CIMAP2: variants seen among roughly 807,000 people sequenced by gnomAD.
The protein encoded by CIMAP2 is ciliary microtubule associated protein 2, also known as ciliary microtubule-associated protein 2.
the CIMAP2 span, among the ~76,000 whole-genome samples, chr1:54,825,755 A>G: frequency 6.6e-6 from 1 of 151,328 alleles, no homozygotes; most frequent in African/African-American, 2.4e-5. Context: ...GGTGATATGC[A>G]TGGCATCGGT....
At chr1:54,820,008 TTTTC>T in the CIMAP2 span, among the ~76,000 whole-genome samples, 217 of 125,560 alleles carry the variant, frequency 1.7e-3, 3 homozygotes, top group African/African-American at 5.5e-3. Flanking sequence ...TCTCCCTCTC[TTTTC>T]CTTCTTTCCT....
chr1:54,815,141 C>T, the CIMAP2 span: 1 of 1,489,212 alleles, frequency 6.7e-7, no homozygotes. Context: ...TTGAGTGAGC[C>T]ATATGCCTCC....
chr1:54,807,653 TC>T, the CIMAP2 span: 1 of 1,609,318 alleles, frequency 6.2e-7, no homozygotes, highest in East Asian at 2.2e-5. Flanking sequence ...CTACCCCACT[TC>T]CAGTACCAGG....
At chr1:54,806,118 T>A in the CIMAP2 span, 1 of 1,535,812 alleles carries the variant, frequency 6.5e-7, no homozygotes, top group South Asian at 1.2e-5. Context: ...AGGCCTGCCA[T>A]GAGGGAAAGC....
chr1:54,825,214 C>T, the CIMAP2 span, among the ~76,000 whole-genome samples: 1 of 151,552 alleles, frequency 6.6e-6, no homozygotes, highest in Non-Finnish European at 1.5e-5. Flanking sequence ...CCACGCCCAG[C>T]TAATTTTTTC....
the CIMAP2 span, among the ~76,000 whole-genome samples, chr1:54,831,542 A>C: frequency 2.0e-5 from 3 of 152,100 alleles, no homozygotes; most frequent in Non-Finnish European, 4.4e-5. Flanking sequence ...AATCCCAGCT[A>C]CTCAGGATGC....
the CIMAP2 span, among the ~76,000 whole-genome samples, chr1:54,836,143 G>C: frequency 6.6e-6 from 1 of 151,998 alleles, no homozygotes; most frequent in Non-Finnish European, 1.5e-5. Context: ...GGTGGTTGCC[G>C]TTGAGACTGT....
the CIMAP2 span, chr1:54,811,773 G>GTCC: frequency 8.3e-6 from 11 of 1,325,048 alleles, 1 homozygote; most frequent in South Asian, 3.9e-5. Context: ...CAGCCTCCAT[G>GTCC]CCCCCACCCC....
chr1:54,822,972 G>A, the CIMAP2 span, among the ~76,000 whole-genome samples: 3 of 152,290 alleles, frequency 2.0e-5, no homozygotes, highest in East Asian at 5.8e-4. Context: ...AATTTGTTGT[G>A]ACTTGTTTCA....
At chr1:54,841,451 T>C in the CIMAP2 span, among the ~76,000 whole-genome samples, 1 of 152,174 alleles carries the variant, frequency 6.6e-6, no homozygotes, top group Non-Finnish European at 1.5e-5. Flanking sequence ...GGCCTTCAGG[T>C]GACCTCAGGT....
the CIMAP2 span, chr1:54,841,803 A>G: frequency 1.9e-6 from 3 of 1,577,510 alleles, no homozygotes; most frequent in Non-Finnish European, 2.6e-6. Flanking sequence ...TTTTAAAGGG[A>G]AAGGATCACA....
the CIMAP2 span, among the ~76,000 whole-genome samples, chr1:54,835,304 A>G: frequency 6.6e-6 from 1 of 152,006 alleles, no homozygotes; most frequent in South Asian, 2.1e-4. Context: ...CAATCCTCTC[A>G]CCTCAGGCTT....
chr1:54,822,255 G>A, the CIMAP2 span, among the ~76,000 whole-genome samples: 2 of 152,102 alleles, frequency 1.3e-5, no homozygotes, highest in South Asian at 2.1e-4. Context: ...GTGTTAAATA[G>A]GAGTGCTGAT....
chr1:54,823,677 G>A, the CIMAP2 span, among the ~76,000 whole-genome samples: 1 of 151,908 alleles, frequency 6.6e-6, no homozygotes, highest in South Asian at 2.1e-4. Flanking sequence ...TTACAATTTG[G>A]TGGGTTTTTG....
the CIMAP2 span, among the ~76,000 whole-genome samples, chr1:54,820,033 CTTCA>C: frequency 2.8e-5 from 3 of 105,268 alleles, no homozygotes; most frequent in South Asian, 3.1e-4. Context: ...TCCTTCCTTC[CTTCA>C]TTCATTCCTT....
chr1:54,836,968 T>C, the CIMAP2 span, among the ~76,000 whole-genome samples: 2 of 151,966 alleles, frequency 1.3e-5, 1 homozygote, highest in African/African-American at 4.8e-5. Flanking sequence ...GCAGTTGACA[T>C]GGGAGGAAAT....
At chr1:54,807,181 G>A in the CIMAP2 span, 77 of 1,303,924 alleles carry the variant, frequency 5.9e-5, no homozygotes, top group Middle Eastern at 1.8e-4. Flanking sequence ...TAGAAGGGGC[G>A]TACTTTCTAC....
At chr1:54,817,157 G>A in the CIMAP2 span, 1 of 1,611,398 alleles carries the variant, frequency 6.2e-7, no homozygotes, top group African/African-American at 1.3e-5. Context: ...GAAGGGGCGA[G>A]GGCGGTGGGG....
At chr1:54,811,660 G>A in the CIMAP2 span, 1 of 934,754 alleles carries the variant, frequency 1.1e-6, no homozygotes, top group Non-Finnish European at 1.7e-6. Flanking sequence ...TGTGTCAGAG[G>A]GCAGGTAGCA....
Sources: gnomAD v4.1 joint callset for allele counts (sites outside exome capture counted in the v4.1 genomes callset) on GRCh38, gnomAD v4.1.1 for gene constraint, MANE v1.5 for transcripts, NCBI Gene and HGNC (gene_info 2026-07-23, HGNC 2026-07-21) for gene names.